Variants in NCKAP5 observed in about 807,000 individuals in gnomAD.
NCKAP5 encodes the protein NCK associated protein 5.
Under a neutral mutation model 167.0 loss-of-function variants are expected in NCKAP5, and 92 were observed. That is an observed-to-expected ratio of 0.55 (90% CI 0.47 to 0.66). NCKAP5 has a LOEUF of 0.66. NCKAP5 is among the 30% of genes least tolerant of loss of function. The probability of loss-of-function intolerance (pLI) is 0.00; values close to 1 mark genes in which losing one functional copy is unlikely to be tolerated. For missense variants in NCKAP5, 2,378 were observed against 2,315.0 expected, an observed-to-expected ratio of 1.03 and a Z score of -0.56; for synonymous variants, 891 against 877.4, an observed-to-expected ratio of 1.02 and a Z score of -0.27.
chr2:132,690,855 C>T (rs1686643646), intron 19 of NCKAP5, among the ~76,000 whole-genome samples: 1 of 152,168 alleles, frequency 6.6e-6, no homozygotes, highest in East Asian at 1.9e-4. Context: ...CCTCACTGCT[C>T]TAACTTCCAC....
the NCKAP5 span, among the ~76,000 whole-genome samples, chr2:133,619,813 A>T: frequency 6.6e-6 from 1 of 152,194 alleles, no homozygotes; most frequent in East Asian, 1.9e-4. Context: ...CAGGTTATCT[A>T]AAGTCAAGAC....
At chr2:133,496,093 T>C (rs1377474831) in intron 3 of NCKAP5, among the ~76,000 whole-genome samples, 1 of 152,212 alleles carries the variant, frequency 6.6e-6, no homozygotes, top group Non-Finnish European at 1.5e-5. Flanking sequence ...TGACATTATT[T>C]ACAGACATGC....
At chr2:132,684,409 G>A (rs1164140653) in intron 19 of NCKAP5, among the ~76,000 whole-genome samples, 1 of 152,108 alleles carries the variant, frequency 6.6e-6, no homozygotes, top group Non-Finnish European at 1.5e-5. Context: ...AAGTTCACAG[G>A]GTCTTTACAT....
At chr2:133,140,300 C>T (rs1022239460) in intron 5 of NCKAP5, among the ~76,000 whole-genome samples, 6 of 152,158 alleles carry the variant, frequency 3.9e-5, no homozygotes, top group Non-Finnish European at 8.8e-5. Context: ...GCAACTTTTG[C>T]TTCCAGTTCT....
chr2:133,559,887 A>C (rs1438993684), intron 1 of NCKAP5, among the ~76,000 whole-genome samples: 1 of 152,212 alleles, frequency 6.6e-6, no homozygotes, highest in Non-Finnish European at 1.5e-5. Flanking sequence ...TCTCTAGCCC[A>C]AAGTAGGAAA....
intron 4 of NCKAP5, among the ~76,000 whole-genome samples, chr2:133,273,732 G>A (rs954937842): frequency 1.3e-5 from 2 of 151,594 alleles, no homozygotes; most frequent in African/African-American, 4.8e-5. Context: ...ATTAAATGGT[G>A]TTACTAAATA....
chr2:132,782,912 T>C lies in NCKAP5; in HGVS notation c.3899A>G (p.Gln1300Arg). ...PIEGSGKVRTQIITNTAERGN... is the reference protein window; with the variant it reads ...PIEGSGKVRTRIITNTAERGN... ...TCTCTCGGCGGTATTGGTAATGATC[T>C]GAGTGCGGACTTTGCCTGACCCTTC... is the stretch of plus-strand genomic sequence containing the variant. Residue 1300 changes from glutamine to arginine, a missense_variant, in exon 14 of 20, where the codon CAG becomes CGG. Coordinates refer to ENST00000409261, the MANE Select transcript of NCKAP5 (RefSeq NM_207363.3). 6.2e-7 allele frequency: 1 copy of C among 1,613,978 alleles called. No individual in the cohort carries two copies.
intron 8 of NCKAP5, among the ~76,000 whole-genome samples, chr2:132,889,376 T>C (rs1374352036): frequency 1.3e-5 from 2 of 152,202 alleles, no homozygotes; most frequent in Non-Finnish European, 2.9e-5. Context: ...CATCAATTCT[T>C]TTATGTGTAC....
chr2:132,872,810 GC>G (rs1412118694), intron 9 of NCKAP5, among the ~76,000 whole-genome samples: 1 of 152,176 alleles, frequency 6.6e-6, no homozygotes, highest in Non-Finnish European at 1.5e-5. Flanking sequence ...TTGTACTGAG[GC>G]AGCTAGGAGA....
chr2:132,881,485 T>G (rs1691745835), intron 8 of NCKAP5, among the ~76,000 whole-genome samples: 1 of 151,982 alleles, frequency 6.6e-6, no homozygotes, highest in African/African-American at 2.4e-5. Flanking sequence ...TGGAATAGTT[T>G]GTCTTTTTAT....
At chr2:133,220,252 T>C (rs1006045047) in intron 4 of NCKAP5, among the ~76,000 whole-genome samples, 3 of 152,228 alleles carry the variant, frequency 2.0e-5, no homozygotes, top group Non-Finnish European at 4.4e-5. Context: ...ATTGACTTTA[T>C]GATTGCCAAA....
chr2:132,775,292 T>G (rs1308378909), intron 15 of NCKAP5, among the ~76,000 whole-genome samples: 1 of 152,236 alleles, frequency 6.6e-6, no homozygotes, highest in Non-Finnish European at 1.5e-5. Flanking sequence ...CTTAATGGAA[T>G]AAGACCAATT....
chr2:133,233,648 A>T (rs958317023), intron 4 of NCKAP5, among the ~76,000 whole-genome samples: 4 of 152,188 alleles, frequency 2.6e-5, no homozygotes, highest in African/African-American at 9.7e-5. Context: ...GCCTATGTTG[A>T]CAATTTGCTA....
chr2:133,505,784 C>T (rs1251463565), intron 3 of NCKAP5, among the ~76,000 whole-genome samples: 1 of 152,188 alleles, frequency 6.6e-6, no homozygotes, highest in Non-Finnish European at 1.5e-5. Context: ...GCTTTGCACA[C>T]AGCAAGTTCT....
At chr2:133,402,931 C>T (rs1270488977) in intron 3 of NCKAP5, among the ~76,000 whole-genome samples, 1 of 152,222 alleles carries the variant, frequency 6.6e-6, no homozygotes, top group East Asian at 1.9e-4. Context: ...TACCTGGCCA[C>T]ATTTTTCTGT....
At chr2:133,168,664 G>C (rs899614542) in intron 5 of NCKAP5, among the ~76,000 whole-genome samples, 1 of 151,994 alleles carries the variant, frequency 6.6e-6, no homozygotes, top group African/African-American at 2.4e-5. Context: ...TAGAAGCTAA[G>C]ACCCCAAAAC....
In NCKAP5 at chr2:133,504,754, G is replaced by A. The variant is rs1256199873; in HGVS notation, c.69+12704C>T. 2.6e-5 allele frequency among the ~76,000 whole-genome samples: 4 copies of A among 152,312 alleles called. No individual in the cohort carries two copies. In the East Asian group the frequency reaches 5.8e-4, roughly 22 times the overall value. Reference sequence around the variant, plus strand: ...GGCTGGCGAGGGGCCAGTTCCCAGGGTTGGTGCATTCCTGGGGCCTGGCAA... The same window carrying A: ...GGCTGGCGAGGGGCCAGTTCCCAGGATTGGTGCATTCCTGGGGCCTGGCAA... On this transcript the variant is annotated intron_variant, in intron 3 of 19. Transcript: ENST00000409261.
At chr2:133,328,878 C>T (rs1372963568) in intron 3 of NCKAP5, among the ~76,000 whole-genome samples, 1 of 152,028 alleles carries the variant, frequency 6.6e-6, no homozygotes, top group Non-Finnish European at 1.5e-5. Flanking sequence ...GAAAAACTTG[C>T]GGCAATCATA....
chr2:133,445,512 A>C (rs574289145), intron 3 of NCKAP5, among the ~76,000 whole-genome samples: 29 of 152,318 alleles, frequency 1.9e-4, no homozygotes, highest in African/African-American at 6.5e-4. Context: ...AGAACCCCTG[A>C]CTTCAAACTC....
Sources: allele counts gnomAD v4.1 joint callset (sites outside exome capture counted in the v4.1 genomes callset), GRCh38; gene constraint gnomAD v4.1.1; transcripts MANE v1.5; gene names NCBI Gene and HGNC (gene_info 2026-07-23, HGNC 2026-07-21).